Variants in SLC7A9 observed in about 807,000 individuals in gnomAD.
SLC7A9 encodes the protein solute carrier family 7 member 9.
A neutral mutation model predicts 54.1 loss-of-function variants in SLC7A9; 38 were observed. The ratio of observed to expected loss-of-function variants is 0.70; its 90% CI spans 0.54 to 0.92. The LOEUF (loss-of-function observed/expected upper bound fraction) is 0.92, where lower values mean the gene tolerates loss of function less well. SLC7A9 is among the 40% of genes least tolerant of loss of function. SLC7A9 has a pLI of 0.00. For missense variants in SLC7A9, 537 were observed against 636.1 expected (o/e 0.84, Z 1.68); for synonymous variants, 264 against 258.9 (o/e 1.02, Z -0.19).
chr19:32,862,302 G>T, intron 5 of SLC7A9, 85 bp from the exon 6 acceptor site: 1 of 1,434,842 alleles, frequency 7.0e-7, no homozygotes, highest in South Asian at 1.1e-5. Flanking sequence ...GCATGATTGT[G>T]ACCCCAGCTT....
intron 9 of SLC7A9, 114 bp downstream of exon 9, chr19:32,858,326 G>T (rs1968687416): frequency 5.3e-6 from 4 of 748,062 alleles, no homozygotes; most frequent in Non-Finnish European, 7.0e-6. Flanking sequence ...TACTTGTACT[G>T]GCGTGGGTTT....
intron 11 of SLC7A9, among the ~76,000 whole-genome samples, chr19:32,837,437 T>G (rs1967989906): frequency 7.0e-6 from 1 of 142,118 alleles, no homozygotes; most frequent in Admixed American, 8.1e-5. Context: ...ACGGTTGCAG[T>G]GAGTTGTAAT....
chr19:32,831,453 A>AT (rs368031675), intron 12 of SLC7A9: 6,530 of 150,474 alleles, frequency 0.043, 289 homozygotes, highest in East Asian at 0.26. Flanking sequence ...CGCCCGGCTA[A>AT]TTTTTTTTTG....
intron 9 of SLC7A9, among the ~76,000 whole-genome samples, chr19:32,847,896 A>G (rs1968348075): frequency 1.3e-5 from 2 of 152,292 alleles, no homozygotes; most frequent in African/African-American, 4.8e-5. Flanking sequence ...ATTCTTAAAG[A>G]AAAGAATTTT....
Position 32,868,180 on chromosome 19 carries a change from G to A in SLC7A9, c.87+268C>T, listed in dbSNP as rs144011579. Among the ~76,000 whole-genome samples, 536 of 141,844 alleles carry A rather than the reference G, an allele frequency of 3.8e-3. 6 individuals are homozygous for A. The highest frequency in any genetic ancestry group is 0.013 in the African/African-American group (497 of 38,180). The allele number at this position is 141,844 out of a possible 152,430, so 93.1% of individuals were successfully genotyped here. On this transcript the variant is annotated intron_variant, in intron 2 of 12. Coordinates refer to ENST00000023064, the MANE Select transcript of SLC7A9 (RefSeq NM_014270.5). ...GGGGAGGTGAAGGTTGCATTGAGCC[G>A]AGATGGCAGCACTGCACTCTAGCCT... is the stretch of plus-strand genomic sequence containing the variant.
intron 12 of SLC7A9, among the ~76,000 whole-genome samples, 181 bp from the exon 13 acceptor site, chr19:32,830,865 T>C (rs1283484517): frequency 6.6e-6 from 1 of 152,064 alleles, no homozygotes; most frequent in Non-Finnish European, 1.5e-5. Flanking sequence ...CTGGCTTCTG[T>C]CTTCTCCCAG....
At chr19:32,861,006 C>T (rs545133517) in intron 6 of SLC7A9, among the ~76,000 whole-genome samples, 37 of 152,314 alleles carry the variant, frequency 2.4e-4, no homozygotes, top group African/African-American at 7.7e-4. Context: ...GAAGGACCAT[C>T]GTTGCAGATG....
At chr19:32,864,591 T>C in intron 3 of SLC7A9, 38 bp downstream of exon 3, 1 of 1,609,700 alleles carries the variant, frequency 6.2e-7, no homozygotes, top group Non-Finnish European at 8.5e-7. Flanking sequence ...TGCCCCTGCA[T>C]GCTTCCGGGG....
At chr19:32,869,269 G>A (rs985885406) in intron 1 of SLC7A9, among the ~76,000 whole-genome samples, 3 of 151,994 alleles carry the variant, frequency 2.0e-5, no homozygotes, top group Non-Finnish European at 2.9e-5. Flanking sequence ...ATTGTGGAAT[G>A]TATTTATCAG....
chr19:32,859,514 C>T (rs528331493), intron 8 of SLC7A9, among the ~76,000 whole-genome samples: 4 of 152,222 alleles, frequency 2.6e-5, no homozygotes, highest in African/African-American at 7.2e-5. Context: ...CTCTCACCTT[C>T]TATGATTCAT....
chr19:32,836,059 G>A (rs1274543866), intron 11 of SLC7A9, among the ~76,000 whole-genome samples: 1 of 152,138 alleles, frequency 6.6e-6, no homozygotes, highest in East Asian at 1.9e-4. Flanking sequence ...AACTACAGGT[G>A]CCCGCCACCA....
intron 11 of SLC7A9, among the ~76,000 whole-genome samples, chr19:32,836,296 G>A (rs56225290): frequency 0.058 from 8,883 of 152,184 alleles, 485 homozygotes; most frequent in African/African-American, 0.14. Context: ...TGATGCAACC[G>A]CCTTGGCCTC....
intron 11 of SLC7A9, 77 bp from the exon 12 acceptor site, chr19:32,833,400 A>G: frequency 7.4e-7 from 1 of 1,351,114 alleles, no homozygotes; most frequent in African/African-American, 1.4e-5. Context: ...TTTTTATAAA[A>G]AGAGTATGAA....
intron 10 of SLC7A9, among the ~76,000 whole-genome samples, chr19:32,843,384 G>A (rs1052319359): frequency 2.0e-5 from 3 of 152,122 alleles, no homozygotes; most frequent in African/African-American, 7.2e-5. Context: ...TTGAACCTGG[G>A]AGGCGGAGGA....
At chr19:32,857,805 T>A (rs1968671318) in intron 9 of SLC7A9, among the ~76,000 whole-genome samples, 2 of 152,114 alleles carry the variant, frequency 1.3e-5, no homozygotes, top group African/African-American at 2.4e-5. Context: ...CTAGACCAGA[T>A]GGGTCTAAAG....
chr19:32,843,854 C>A lies in SLC7A9; in HGVS notation c.1074+1G>T. 6.2e-7 allele frequency: 1 copy of A among 1,611,088 alleles called. No individual in the cohort carries two copies. The highest frequency in any genetic ancestry group is 2.2e-5 in the East Asian group (1 of 44,864). On this transcript the variant is annotated splice_donor_variant, in intron 10 of 12. Transcript: ENST00000023064. LOFTEE classifies it high-confidence loss of function. ...AGGCTGGTAGCGGGATTTGTACTCA[C>A]ATAAAAGATGATGGCGGGGGCTGGA...
At chr19:32,857,934 G>A (rs1202597582) in intron 9 of SLC7A9, among the ~76,000 whole-genome samples, 1 of 152,184 alleles carries the variant, frequency 6.6e-6, no homozygotes, top group Non-Finnish European at 1.5e-5. Context: ...TGCAGCCTGC[G>A]AGCCTGGAAT....
At chr19:32,837,515 A>G (rs78418218) in intron 11 of SLC7A9, among the ~76,000 whole-genome samples, 1,034 of 91,352 alleles carry the variant, frequency 0.011, 14 homozygotes, top group African/African-American at 0.049. Flanking sequence ...AAAAAAAAAA[A>G]AAAGAAACCT....
intron 12 of SLC7A9, among the ~76,000 whole-genome samples, chr19:32,832,534 G>T (rs570216461): frequency 3.2e-4 from 48 of 149,280 alleles, no homozygotes; most frequent in Non-Finnish European, 4.0e-4. Context: ...TGCACAGTGA[G>T]CTGAGACCGC....
Sources: allele counts gnomAD v4.1 joint callset (sites outside exome capture counted in the v4.1 genomes callset), GRCh38; gene constraint gnomAD v4.1.1; transcripts MANE v1.5; gene names NCBI Gene and HGNC (gene_info 2026-07-23, HGNC 2026-07-21).